Variants in FAM184A observed in about 807,000 individuals in gnomAD.
The protein encoded by FAM184A is protein FAM184A.
In FAM184A, 99 loss-of-function variants were observed where a neutral mutation model predicts 143.8. The ratio of observed to expected loss-of-function variants is 0.69; its 90% CI spans 0.58 to 0.81. The LOEUF (loss-of-function observed/expected upper bound fraction) is 0.81, where lower values mean the gene tolerates loss of function less well. Ranked by LOEUF, FAM184A falls within the 40% of genes least tolerant of loss-of-function variation. The pLI, the probability that FAM184A is intolerant of heterozygous loss-of-function variation, is 0.00. For missense variants in FAM184A, 1,217 were observed against 1,310.5 expected (o/e 0.93, Z 1.10); for synonymous variants, 427 against 446.4 (o/e 0.96, Z 0.55).
At chr6:119,103,359 G>C (rs1365785005) in intron 1 of FAM184A, among the ~76,000 whole-genome samples, 1 of 152,194 alleles carries the variant, frequency 6.6e-6, no homozygotes, top group African/African-American at 2.4e-5. Context: ...TGATACATGA[G>C]TTAACAAATT....
chr6:119,142,325 A>C, intron 1 of FAM184A, among the ~76,000 whole-genome samples: 1 of 152,170 alleles, frequency 6.6e-6, no homozygotes, highest in South Asian at 2.1e-4. Context: ...TCCCAGGCGC[A>C]CTGTTTCTTC....
chr6:119,136,004 C>A (rs180857787), intron 1 of FAM184A, among the ~76,000 whole-genome samples: 2 of 150,484 alleles, frequency 1.3e-5, no homozygotes, highest in African/African-American at 4.9e-5. Context: ...CCAGGCCGGG[C>A]GCGGTGGCTC....
At chr6:119,122,939 A>G (rs1191033684) in intron 1 of FAM184A, among the ~76,000 whole-genome samples, 1 of 37,468 alleles carries the variant, frequency 2.7e-5, no homozygotes, top group African/African-American at 7.2e-5. Context: ...AAAAAAAAAA[A>G]AAAAAAAAAA....
At chr6:119,005,533 G>A (rs956858126) in intron 7 of FAM184A, 1 of 152,212 alleles carries the variant, frequency 6.6e-6, no homozygotes, top group Admixed American at 6.5e-5. Flanking sequence ...ATTTTGCTAA[G>A]CACTGTGCTA....
intron 1 of FAM184A, among the ~76,000 whole-genome samples, chr6:119,087,178 A>G (rs988610463): frequency 6.6e-6 from 1 of 152,204 alleles, no homozygotes; most frequent in Non-Finnish European, 1.5e-5. Context: ...ATTAGGATTG[A>G]GATGTGAGCT....
chr6:119,014,891 T>G (rs1282851892), intron 5 of FAM184A, among the ~76,000 whole-genome samples: 1 of 152,054 alleles, frequency 6.6e-6, no homozygotes, highest in African/African-American at 2.4e-5. Flanking sequence ...AAACCCTGTC[T>G]GTACTAAAAA....
rs139522161 is a variant in FAM184A, at chr6:119,008,856, G to A, written c.1654-2248C>T. Among the ~76,000 whole-genome samples the A allele has an allele frequency of 9.8e-5, 15 of 152,330 alleles. No homozygotes were observed. The East Asian group carries it at 2.5e-3, about 25-fold the overall frequency. ...TATTTATACTTATCATCTTTCAACT[G>A]TTTTTCACTGCCCTTAGGATAACTT... On this transcript the variant is annotated intron_variant, in intron 6 of 17. Coordinates refer to ENST00000338891, the MANE Select transcript of FAM184A (RefSeq NM_024581.6).
intron 9 of FAM184A, among the ~76,000 whole-genome samples, chr6:118,991,117 A>C (rs1784364067): frequency 1.3e-5 from 2 of 151,852 alleles, no homozygotes; most frequent in African/African-American, 4.8e-5. Context: ...TGACTGGAGG[A>C]GATATTGAGT....
At chr6:119,023,899 A>G in intron 2 of FAM184A, 60 bp downstream of exon 2, 2 of 1,480,978 alleles carry the variant, frequency 1.4e-6, no homozygotes, top group Non-Finnish European at 1.8e-6. Flanking sequence ...TCCAGCCTAC[A>G]AAACAAATAT....
chr6:119,106,056 A>G (rs1378406876), intron 1 of FAM184A, among the ~76,000 whole-genome samples: 4 of 152,156 alleles, frequency 2.6e-5, no homozygotes, highest in Admixed American at 2.6e-4. Context: ...AAAAATTGTC[A>G]TTCGTGAATT....
Position 119,078,344 on chromosome 6 carries a change from G to A in FAM184A, c.-45C>T, listed in dbSNP as rs1397002596. The A allele has an allele frequency of 2.1e-6, 3 of 1,395,976 alleles. No homozygotes were observed. Among genetic ancestry groups the A allele is most frequent in the South Asian group, 3.1e-5 (2 of 64,000 alleles). 86.5% of individuals were successfully genotyped at this position (1,395,976 alleles called of 1,614,324 possible). Reference sequence around the variant, plus strand: ...CGGGGCACCTGTCCCCGCGGGTGGAGGCAGGCCCGTGGAGCAACGACGCCC... The same window carrying A: ...CGGGGCACCTGTCCCCGCGGGTGGAAGCAGGCCCGTGGAGCAACGACGCCC... On this transcript the variant is annotated 5_prime_UTR_variant, in exon 1 of 18. Coordinates refer to ENST00000338891, the MANE Select transcript of FAM184A (RefSeq NM_024581.6). The surrounding 1 kb of genome is among the most constrained non-coding windows in gnomAD (Gnocchi z 5.5).
At chr6:119,097,370 A>G (rs934541284) in intron 1 of FAM184A, among the ~76,000 whole-genome samples, 3 of 152,222 alleles carry the variant, frequency 2.0e-5, no homozygotes, top group South Asian at 2.1e-4. Flanking sequence ...AATGTGAACC[A>G]TCACAAACAC....
chr6:119,094,835 G>A (rs1195407221), intron 1 of FAM184A, among the ~76,000 whole-genome samples: 1 of 152,088 alleles, frequency 6.6e-6, no homozygotes, highest in Non-Finnish European at 1.5e-5. Flanking sequence ...AGCCTTCCGA[G>A]GATCCTTTGA....
Position 118,974,473 on chromosome 6 carries a change from T to A in FAM184A, c.2870A>T (p.Lys957Met). 1 of 1,612,826 alleles carries A rather than the reference T, an allele frequency of 6.2e-7. No homozygotes were observed. Among genetic ancestry groups the A allele is most frequent in the Non-Finnish European group, 8.5e-7 (1 of 1,179,280 alleles). Residue 957 changes from lysine (K) to methionine (M), a missense_variant, in exon 14 of 18, where the codon AAG becomes ATG. Coordinates refer to ENST00000338891, the MANE Select transcript of FAM184A (RefSeq NM_024581.6). Reference sequence around the variant, plus strand: ...TATTTCCTTGAGTAGCTCGTTAGTCTTATTAAAATCTGCCCGCATGATATT... The same window carrying A: ...TATTTCCTTGAGTAGCTCGTTAGTCATATTAAAATCTGCCCGCATGATATT... ...EKNIMRADFN[K>M]TNELLKEINA... is the part of the protein sequence containing the mutation.
At chr6:118,999,485 G>T (rs763175033) in intron 9 of FAM184A, among the ~76,000 whole-genome samples, 1 of 151,906 alleles carries the variant, frequency 6.6e-6, no homozygotes, top group Non-Finnish European at 1.5e-5. Flanking sequence ...TGTATTCCTC[G>T]TAATGCCTGG....
In FAM184A at chr6:118,980,225, C is replaced by T. The variant is rs1783980729; in HGVS notation, c.2214G>A (p.Glu738=). 1 of 1,614,146 alleles carries T rather than the reference C, an allele frequency of 6.2e-7. No individual in the cohort carries two copies. Among genetic ancestry groups the T allele is most frequent in the Non-Finnish European group, 8.5e-7 (1 of 1,180,008 alleles). ...RLTQELEELE[E]QHQQRHKSLK... is the part of the protein sequence containing the mutation. ...ATGATTTGTGTCTTTGCTGATGTTG[C>T]TCCTCTAATTCTTCAAGCTCTTGCG... Residue 738 remains glutamate, a synonymous_variant, in exon 10 of 18, where the codon GAG becomes GAA. Coordinates refer to ENST00000338891, the MANE Select transcript of FAM184A (RefSeq NM_024581.6).
intron 1 of FAM184A, among the ~76,000 whole-genome samples, chr6:119,135,436 C>A (rs960072803): frequency 1.3e-5 from 2 of 152,118 alleles, no homozygotes; most frequent in African/African-American, 4.8e-5. Context: ...ATTCTTTAAA[C>A]TCTACAGATA....
At chr6:119,011,213 A>T in intron 6 of FAM184A, 96 bp downstream of exon 6, 1 of 1,001,446 alleles carries the variant, frequency 1.0e-6, no homozygotes, top group Non-Finnish European at 1.5e-6. Flanking sequence ...TAGATATGTT[A>T]CCTTTACTGA....
At chr6:119,072,863 T>C (rs1007666575) in intron 1 of FAM184A, among the ~76,000 whole-genome samples, 1 of 146,198 alleles carries the variant, frequency 6.8e-6, no homozygotes, top group African/African-American at 2.8e-5. Context: ...TGATCTATCA[T>C]TAACCCAGAA....
Sources: gnomAD v4.1 joint callset for allele counts (sites outside exome capture counted in the v4.1 genomes callset) on GRCh38, gnomAD v4.1.1 for gene constraint, Gnocchi (gnomAD v3.1) non-coding constraint, MANE v1.5 for transcripts, NCBI Gene and HGNC (gene_info 2026-07-23, HGNC 2026-07-21) for gene names.